Variants in CYREN observed in about 807,000 individuals in gnomAD.
CYREN encodes the protein cell cycle regulator of non-homologous end joining.
In CYREN, 7 loss-of-function variants were observed where a neutral mutation model predicts 9.7. That is an observed-to-expected ratio of 0.72 (90% confidence interval 0.41 to 1.36). CYREN has a LOEUF of 1.36. CYREN is among the 40% of genes most tolerant of loss of function. The probability of loss-of-function intolerance (pLI) is 0.01; values close to 1 mark genes in which losing one functional copy is unlikely to be tolerated. For missense variants in CYREN, 215 were observed against 198.1 expected, an observed-to-expected ratio of 1.09 and a Z score of -0.51; for synonymous variants, 76 against 77.9, an observed-to-expected ratio of 0.98 and a Z score of 0.13.
intron 2 of CYREN, among the ~76,000 whole-genome samples, chr7:135,138,057 CGCTG>C (rs1829387741): frequency 6.6e-6 from 1 of 151,920 alleles, no homozygotes; most frequent in African/African-American, 2.4e-5. Context: ...CCATAACAAC[CGCTG>C]ACTACAGTTC....
At chr7:135,140,204 T>A (rs993790426) in intron 2 of CYREN, among the ~76,000 whole-genome samples, 27 of 152,166 alleles carry the variant, frequency 1.8e-4, no homozygotes, top group African/African-American at 6.5e-4. Context: ...GCATGGAATG[T>A]TTTTCCATTT....
chr7:135,134,400 C>T (rs1256346801), intron 2 of CYREN, among the ~76,000 whole-genome samples: 1 of 146,306 alleles, frequency 6.8e-6, no homozygotes, highest in African/African-American at 2.5e-5. Context: ...GAAAACTTCC[C>T]TCTCTTAGAC....
At chr7:135,132,627 T>C (rs890975848) in intron 2 of CYREN, among the ~76,000 whole-genome samples, 9 of 152,302 alleles carry the variant, frequency 5.9e-5, no homozygotes, top group African/African-American at 1.2e-4. Flanking sequence ...GTGGAGATAA[T>C]TGAATCACGG....
intron 2 of CYREN, among the ~76,000 whole-genome samples, chr7:135,130,659 T>G (rs1205926720): frequency 6.6e-5 from 10 of 152,230 alleles, no homozygotes; most frequent in Admixed American, 4.6e-4. Context: ...CTGAATGTTC[T>G]TGAATTATCT....
At chr7:135,169,834 AG>A (rs1830519757) in intron 1 of CYREN, among the ~76,000 whole-genome samples, 1 of 152,230 alleles carries the variant, frequency 6.6e-6, no homozygotes. Flanking sequence ...AGTCAGCGAT[AG>A]TCCTCTCTGA....
At chr7:135,142,387 A>G (rs1368375866) in intron 2 of CYREN, among the ~76,000 whole-genome samples, 1 of 152,152 alleles carries the variant, frequency 6.6e-6, no homozygotes, top group African/African-American at 2.4e-5. Context: ...CATATACAAA[A>G]TATGTGTTAT....
chr7:135,129,362 G>GGA (rs1237364374), intron 2 of CYREN: 16 of 922,750 alleles, frequency 1.7e-5, no homozygotes, highest in Middle Eastern at 2.8e-4. Flanking sequence ...ATGAATACCT[G>GGA]CAAGCAGATA....
intron 2 of CYREN, among the ~76,000 whole-genome samples, chr7:135,110,279 C>T (rs889013085): frequency 4.6e-5 from 7 of 152,170 alleles, no homozygotes; most frequent in East Asian, 3.8e-4. Flanking sequence ...GATCTGCAGA[C>T]GGTCACTGCT....
chr7:135,122,742 A>G (rs1015019022), intron 2 of CYREN, among the ~76,000 whole-genome samples: 5 of 152,126 alleles, frequency 3.3e-5, no homozygotes, highest in African/African-American at 1.2e-4. Context: ...CCAGGAGTGA[A>G]CCAGATGACG....
At chr7:135,169,088 T>C (rs1305449558) in intron 1 of CYREN, 28 bp from the exon 2 acceptor site, 7 of 678,076 alleles carry the variant, frequency 1.0e-5, no homozygotes, top group Non-Finnish European at 1.7e-5. Flanking sequence ...GTCCGGTGAA[T>C]TCCCATACCT....
chr7:135,153,712 T>A (rs935559305), intron 2 of CYREN, among the ~76,000 whole-genome samples: 2 of 152,310 alleles, frequency 1.3e-5, no homozygotes, highest in Non-Finnish European at 2.9e-5. Flanking sequence ...TAGTGTATTA[T>A]CTTTTTGATG....
At chr7:135,112,441 T>C (rs1343147727) in intron 2 of CYREN, among the ~76,000 whole-genome samples, 1 of 152,234 alleles carries the variant, frequency 6.6e-6, no homozygotes, top group Non-Finnish European at 1.5e-5. Flanking sequence ...CATGTCTTCA[T>C]ACCTACCTGA....
upstream of CYREN, among the ~76,000 whole-genome samples, chr7:135,171,785 T>TGGAGCCCC (rs1830668632): frequency 2.6e-5 from 4 of 151,830 alleles, no homozygotes; most frequent in Non-Finnish European, 5.9e-5. Flanking sequence ...TGACAAGCCC[T>TGGAGCCCC]GTGGAGCGTC....
downstream of CYREN, among the ~76,000 whole-genome samples, chr7:135,163,333 TTTA>T (rs1184053323): frequency 2.0e-5 from 3 of 152,216 alleles, no homozygotes; most frequent in East Asian, 3.8e-4. Context: ...GGTTATCTTT[TTTA>T]TTATTATTTT....
At chr7:135,165,074 C>T (rs555560730), downstream of CYREN, 3 of 1,476,512 alleles carry the variant, frequency 2.0e-6, no homozygotes, top group East Asian at 2.3e-5. Flanking sequence ...TCTCATTTTA[C>T]AGCTAACGCT....
At chr7:135,143,075 G>A (rs556209743) in intron 2 of CYREN, among the ~76,000 whole-genome samples, 6 of 152,250 alleles carry the variant, frequency 3.9e-5, no homozygotes, top group East Asian at 1.9e-4. Flanking sequence ...GACTGAGTGC[G>A]GTGGCTCATG....
chr7:135,130,479 T>G (rs1455257737), intron 2 of CYREN, among the ~76,000 whole-genome samples: 1 of 152,136 alleles, frequency 6.6e-6, no homozygotes, highest in Non-Finnish European at 1.5e-5. Context: ...TTCGCTACTT[T>G]TGTTCCACAT....
intron 2 of CYREN, among the ~76,000 whole-genome samples, chr7:135,150,473 A>G (rs1829641621): frequency 6.6e-6 from 1 of 152,216 alleles, no homozygotes; most frequent in African/African-American, 2.4e-5. Flanking sequence ...CTGATTCCCC[A>G]GGGCCTCTGA....
At chr7:135,113,752 T>A (rs555642339) in intron 2 of CYREN, among the ~76,000 whole-genome samples, 199 of 152,298 alleles carry the variant, frequency 1.3e-3, no homozygotes, top group African/African-American at 4.6e-3. Context: ...TGTGGTGCAA[T>A]CTCCAGAACT....
Sources: gnomAD v4.1 joint callset for allele counts (sites outside exome capture counted in the v4.1 genomes callset) on GRCh38, gnomAD v4.1.1 for gene constraint, MANE v1.5 for transcripts, NCBI Gene and HGNC (gene_info 2026-07-23, HGNC 2026-07-21) for gene names.